ATXN1: variants seen among roughly 807,000 people sequenced by gnomAD.
ATXN1 encodes ataxin-1.
ATXN1 carries 8 observed loss-of-function variants against 56.4 expected under a neutral mutation model. That is an observed-to-expected ratio of 0.14 (90% CI 0.08 to 0.26). ATXN1 has a LOEUF of 0.26. ATXN1 is among the 10% of genes least tolerant of loss of function. The pLI is 1.00. For missense variants in ATXN1, 987 were observed against 1,106.5 expected (o/e 0.89, Z 1.53); for synonymous variants, 514 against 494.6 (o/e 1.04, Z -0.52).
intron 3 of ATXN1, among the ~76,000 whole-genome samples, chr6:16,592,122 A>G (rs1266818980): frequency 6.6e-6 from 1 of 152,000 alleles, no homozygotes; most frequent in East Asian, 1.9e-4. Flanking sequence ...CCTGTCACTC[A>G]TTATTCTGCT....
At chr6:16,476,454 G>C (rs1514329) in intron 6 of ATXN1, among the ~76,000 whole-genome samples, 1 of 151,496 alleles carries the variant, frequency 6.6e-6, no homozygotes, top group African/African-American at 2.4e-5. Flanking sequence ...CTATCTTTAT[G>C]ACCTGTGCAC....
intron 6 of ATXN1, among the ~76,000 whole-genome samples, chr6:16,384,765 C>G (rs1284898346): frequency 6.6e-6 from 1 of 152,226 alleles, no homozygotes; most frequent in Non-Finnish European, 1.5e-5. Context: ...TCCCCTTCTC[C>G]TTCTGCCATG....
chr6:16,641,217 T>C (rs1457053780), intron 3 of ATXN1, among the ~76,000 whole-genome samples: 1 of 152,148 alleles, frequency 6.6e-6, no homozygotes, highest in Non-Finnish European at 1.5e-5. Context: ...TCCAGAAAAT[T>C]TAACTAAGAT....
At chr6:16,421,583 A>G (rs1256984884) in intron 6 of ATXN1, among the ~76,000 whole-genome samples, 2 of 133,546 alleles carry the variant, frequency 1.5e-5, no homozygotes, top group Admixed American at 1.8e-4. Flanking sequence ...GCTTCTTCCT[A>G]CTTTATGAGG....
chr6:16,495,293 T>C (rs1485234665), intron 5 of ATXN1, among the ~76,000 whole-genome samples: 1 of 152,170 alleles, frequency 6.6e-6, no homozygotes, highest in East Asian at 1.9e-4. Context: ...TGCCATAATA[T>C]TGAGAGTTAT....
rs1217783064 is a variant in ATXN1 at position 16,756,305 on chromosome 6, A to G, written c.-729-2958T>C. ...AAAAATTCTGTAAAACTGACACTGT[A>G]TATCACTTCTTAAAAAAATTTTGAA... On this transcript the variant is annotated intron_variant, in intron 1 of 7. Coordinates refer to ENST00000436367, the MANE Select transcript of ATXN1 (RefSeq NM_001128164.2). Among the ~76,000 whole-genome samples, 3 of 152,178 alleles carry G rather than the reference A, an allele frequency of 2.0e-5. No individual in the cohort carries two copies. In the East Asian group the frequency reaches 5.8e-4, roughly 29 times the overall value.
intron 6 of ATXN1, among the ~76,000 whole-genome samples, chr6:16,439,425 T>C (rs1459557709): frequency 8.1e-6 from 1 of 124,022 alleles, no homozygotes; most frequent in African/African-American, 3.0e-5. Context: ...TCAGAATGTG[T>C]ACCAGAGTGA....
chr6:16,544,782 T>G (rs1264207560), intron 4 of ATXN1, among the ~76,000 whole-genome samples: 2 of 152,130 alleles, frequency 1.3e-5, no homozygotes, highest in Non-Finnish European at 2.9e-5. Context: ...CTGGAAAGTA[T>G]TACCATTATT....
At chr6:16,504,993 C>CTTT (rs34197922) in intron 5 of ATXN1, among the ~76,000 whole-genome samples, 13 of 135,314 alleles carry the variant, frequency 9.6e-5, no homozygotes, top group East Asian at 2.1e-4. Context: ...CTCCTGTTTC[C>CTTT]TTTTTTTTTT....
intron 2 of ATXN1, among the ~76,000 whole-genome samples, chr6:16,741,774 A>AG (rs1162564245): frequency 5.3e-5 from 8 of 152,200 alleles, no homozygotes; most frequent in Non-Finnish European, 1.0e-4. Flanking sequence ...GTTGTTTATT[A>AG]CTCACATTCT....
At chr6:16,408,139 T>TGG (rs2113546841) in intron 6 of ATXN1, among the ~76,000 whole-genome samples, 1 of 152,260 alleles carries the variant, frequency 6.6e-6, no homozygotes, top group African/African-American at 2.4e-5. Flanking sequence ...GAGGCCACCA[T>TGG]GTTTTGTGGT....
intron 2 of ATXN1, among the ~76,000 whole-genome samples, chr6:16,674,051 T>TA (rs559330521): frequency 0.013 from 2,018 of 151,924 alleles, 26 homozygotes; most frequent in Middle Eastern, 0.027. Context: ...CTAACGTGTT[T>TA]TATATATATA....
chr6:16,517,157 G>A (rs902930605), intron 5 of ATXN1, among the ~76,000 whole-genome samples: 11 of 152,226 alleles, frequency 7.2e-5, no homozygotes, highest in South Asian at 4.1e-4. Flanking sequence ...TTGATTCTGT[G>A]TCAACCATGG....
intron 6 of ATXN1, among the ~76,000 whole-genome samples, chr6:16,463,630 C>T (rs760929110): frequency 2.6e-5 from 4 of 152,214 alleles, no homozygotes; most frequent in Non-Finnish European, 4.4e-5. Context: ...GAAGACTCTG[C>T]ACCTTCTTAG....
At chr6:16,754,460 G>A (rs745864115) in intron 1 of ATXN1, among the ~76,000 whole-genome samples, 4 of 152,144 alleles carry the variant, frequency 2.6e-5, no homozygotes, top group African/African-American at 7.2e-5. Flanking sequence ...TGAATAATCC[G>A]TAAACAGGTA....
At chr6:16,736,013 G>C (rs67522722) in intron 2 of ATXN1, among the ~76,000 whole-genome samples, 5,888 of 152,228 alleles carry the variant, frequency 0.039, 149 homozygotes, top group South Asian at 0.073. Context: ...TAGACAAAAA[G>C]ATGTTTAAAG....
chr6:16,307,277 A>G (rs1760272676), intron 7 of ATXN1, among the ~76,000 whole-genome samples: 2 of 152,220 alleles, frequency 1.3e-5, no homozygotes. Context: ...GACAACTGCT[A>G]TTATCATACA....
chr6:16,621,547 G>T (rs1763320773), intron 3 of ATXN1, among the ~76,000 whole-genome samples: 1 of 151,978 alleles, frequency 6.6e-6, no homozygotes, highest in African/African-American at 2.4e-5. Flanking sequence ...CATGGAGAAT[G>T]CCGTCTCTAC....
chr6:16,496,770 TTA>T (rs1173498950), intron 5 of ATXN1, among the ~76,000 whole-genome samples: 1 of 152,068 alleles, frequency 6.6e-6, no homozygotes, highest in African/African-American at 2.4e-5. Context: ...CTACCTCTCT[TTA>T]AGACTAAATA....
Sources: gnomAD v4.1 joint callset for allele counts (sites outside exome capture counted in the v4.1 genomes callset) on GRCh38, gnomAD v4.1.1 for gene constraint, MANE v1.5 for transcripts, NCBI Gene and HGNC (gene_info 2026-07-23, HGNC 2026-07-21) for gene names.